The following GAD2 variants were observed in gnomAD, a reference collection of about 807,000 sequenced individuals.
The protein encoded by GAD2 is glutamate decarboxylase 2.
Under a neutral mutation model 80.1 loss-of-function variants are expected in GAD2, and 22 were observed. That is an observed-to-expected ratio of 0.27 (90% CI 0.20 to 0.39). The LOEUF (loss-of-function observed/expected upper bound fraction) is 0.39. GAD2 is among the 10% of genes least tolerant of loss of function. The pLI, the probability that GAD2 is intolerant of heterozygous loss-of-function variation, is 1.00. For synonymous variants in GAD2, 274 were observed against 256.9 expected (o/e 1.07, Z -0.64); for missense variants, 624 against 738.4 (o/e 0.85, Z 1.80).
At chr10:26,250,869 T>G (rs1382399569) in intron 8 of GAD2, among the ~76,000 whole-genome samples, 1 of 147,500 alleles carries the variant, frequency 6.8e-6, no homozygotes, top group South Asian at 2.1e-4. Flanking sequence ...TTTGTTGGGT[T>G]TTTTTTCCTT....
At chr10:26,252,008 C>T (rs1054924180) in intron 8 of GAD2, among the ~76,000 whole-genome samples, 2 of 152,170 alleles carry the variant, frequency 1.3e-5, no homozygotes, top group African/African-American at 4.8e-5. Context: ...ATTAGCACGT[C>T]CTTGTAAAAG....
intron 9 of GAD2, among the ~76,000 whole-genome samples, chr10:26,270,045 CT>C (rs1845116331): frequency 6.6e-6 from 1 of 152,212 alleles, no homozygotes; most frequent in South Asian, 2.1e-4. Context: ...TGGCATTCTC[CT>C]GCCTTCTTCC....
chr10:26,284,397 A>G (rs1845305671), intron 12 of GAD2, among the ~76,000 whole-genome samples: 1 of 152,180 alleles, frequency 6.6e-6, no homozygotes, highest in Non-Finnish European at 1.5e-5. Context: ...CTTTATGTAC[A>G]GCAACTATTA....
Position 26,217,888 on chromosome 10 carries a change from C to A in GAD2, c.183C>A (p.Ser61Arg), listed in dbSNP as rs567040121. 1.2e-5 allele frequency: 19 copies of A among 1,602,972 alleles called. No homozygotes were observed. The highest frequency in any genetic ancestry group is 1.5e-5 in the Non-Finnish European group (18 of 1,174,768). The change falls in exon 3 of 16, where the codon AGC becomes AGA. Residue 61 changes from serine (S) to arginine (R), a missense_variant. Physicochemically the swap from Ser to Arg is moderately radical, Grantham distance 110. Transcript: ENST00000376261. This position sits in a 1 kb window ranked among gnomAD's most constrained non-coding sequence, Gnocchi z 4.9. ...AGAAGCCGGCGGAGAGCGGCGGGAGCCAACCCCCGCGGGCCGCCGCCCGGA... is the reference window on the plus strand; with the variant it reads ...AGAAGCCGGCGGAGAGCGGCGGGAGACAACCCCCGCGGGCCGCCGCCCGGA... ...DAEKPAESGGSQPPRAAARKA... is the reference protein window; with the variant it reads ...DAEKPAESGGRQPPRAAARKA...
intron 7 of GAD2, among the ~76,000 whole-genome samples, chr10:26,245,599 G>A (rs929292816): frequency 3.3e-5 from 5 of 151,212 alleles, no homozygotes; most frequent in African/African-American, 4.9e-5. Context: ...CACCACACCC[G>A]GCTAATTTTT....
chr10:26,245,054 G>A (rs976139206), intron 7 of GAD2, among the ~76,000 whole-genome samples: 6 of 151,630 alleles, frequency 4.0e-5, no homozygotes, highest in Non-Finnish European at 8.8e-5. Context: ...TTGGGAGGCT[G>A]AGGCAGGAGA....
At chr10:26,219,645 G>A (rs947747577) in intron 4 of GAD2, among the ~76,000 whole-genome samples, 8 of 152,172 alleles carry the variant, frequency 5.3e-5, no homozygotes, top group African/African-American at 1.7e-4. Flanking sequence ...CGAAAAATGC[G>A]TGATCCAAAC....
intron 12 of GAD2, among the ~76,000 whole-genome samples, chr10:26,281,585 T>C (rs528084971): frequency 1.3e-5 from 2 of 152,216 alleles, no homozygotes; most frequent in African/African-American, 4.8e-5. Context: ...ATGATTACAG[T>C]CTATCTATTT....
At chr10:26,229,635 G>A (rs1404162917) in intron 6 of GAD2, 27 bp from the exon 7 acceptor site, 1 of 1,485,382 alleles carries the variant, frequency 6.7e-7, no homozygotes, top group Non-Finnish European at 9.4e-7. Context: ...AATAAATAAA[G>A]TAACTGCGTG....
rs1301979547 is a variant in GAD2 at position 26,217,212 on chromosome 10, G to A, written c.76+327G>A. Among the ~76,000 whole-genome samples, 3 of 151,782 alleles carry A rather than the reference G, an allele frequency of 2.0e-5. No homozygotes were observed. Among genetic ancestry groups the A allele is most frequent in the Non-Finnish European group, 2.9e-5 (2 of 67,978 alleles). On this transcript the variant is annotated intron_variant, in intron 1 of 15. Transcript: ENST00000376261. The surrounding 1 kb of genome is among the most constrained non-coding windows in gnomAD (Gnocchi z 4.9). Reference sequence around the variant, plus strand: ...GGGTGTCTGGACCCTGGGGTGGGACGGAGTGACCGTGAAGATAGAAAAAAA... The same window carrying A: ...GGGTGTCTGGACCCTGGGGTGGGACAGAGTGACCGTGAAGATAGAAAAAAA...
intron 11 of GAD2, among the ~76,000 whole-genome samples, chr10:26,276,929 A>C (rs1734327887): frequency 6.6e-6 from 1 of 152,248 alleles, no homozygotes; most frequent in African/African-American, 2.4e-5. Flanking sequence ...GCATGGGTGC[A>C]AAGACGAGTA....
intron 8 of GAD2, among the ~76,000 whole-genome samples, chr10:26,258,812 A>AT (rs59176915): frequency 1.4e-3 from 201 of 144,872 alleles, no homozygotes; most frequent in East Asian, 1.8e-3. Flanking sequence ...GCTTCCACCA[A>AT]TTTTTTTTTT....
chr10:26,222,973 G>A (rs1401156852), intron 4 of GAD2, among the ~76,000 whole-genome samples: 1 of 152,214 alleles, frequency 6.6e-6, no homozygotes, highest in Non-Finnish European at 1.5e-5. Context: ...CGGACCTATC[G>A]ATGACAGGCT....
intron 8 of GAD2, among the ~76,000 whole-genome samples, chr10:26,247,969 C>A (rs1194332350): frequency 6.7e-6 from 1 of 150,188 alleles, no homozygotes; most frequent in African/African-American, 2.4e-5. Flanking sequence ...CCTCTGTTAG[C>A]GAACCAAACT....
At chr10:26,228,334 G>C (rs777346453) in intron 6 of GAD2, among the ~76,000 whole-genome samples, 1 of 152,216 alleles carries the variant, frequency 6.6e-6, no homozygotes, top group Non-Finnish European at 1.5e-5. Context: ...ACTTTTGGAT[G>C]ACACAGAAAA....
At chr10:26,249,739 T>C (rs780726205) in intron 8 of GAD2, among the ~76,000 whole-genome samples, 2 of 152,212 alleles carry the variant, frequency 1.3e-5, no homozygotes, top group Non-Finnish European at 2.9e-5. Context: ...CGGCTCATCA[T>C]GGGAACAAGG....
chr10:26,246,510 G>A (rs1215986483), intron 8 of GAD2, among the ~76,000 whole-genome samples: 2 of 152,156 alleles, frequency 1.3e-5, no homozygotes, highest in Non-Finnish European at 1.5e-5. Flanking sequence ...GATTCAGTGC[G>A]GTGCTTTGTG....
intron 13 of GAD2, among the ~76,000 whole-genome samples, chr10:26,291,302 C>G (rs978472543): frequency 2.0e-4 from 30 of 152,204 alleles, no homozygotes; most frequent in African/African-American, 7.2e-4. Context: ...CTCCTTAGCA[C>G]CCATAGATGC....
At chr10:26,222,946 TG>T (rs977332202) in intron 4 of GAD2, among the ~76,000 whole-genome samples, 1 of 152,252 alleles carries the variant, frequency 6.6e-6, no homozygotes, top group African/African-American at 2.4e-5. Flanking sequence ...CTAAAATTTT[TG>T]CTGCTGTGCA....
Sources: gnomAD v4.1 joint callset for allele counts (sites outside exome capture counted in the v4.1 genomes callset) on GRCh38, gnomAD v4.1.1 for gene constraint, Gnocchi (gnomAD v3.1) non-coding constraint, MANE v1.5 for transcripts, NCBI Gene and HGNC (gene_info 2026-07-23, HGNC 2026-07-21) for gene names.